TFDP2: variants seen among roughly 807,000 people sequenced by gnomAD.
TFDP2 encodes the protein transcription factor Dp-2.
Under a neutral mutation model 59.3 loss-of-function variants are expected in TFDP2, and 17 were observed. That is an observed-to-expected ratio of 0.29 (90% CI 0.20 to 0.43). TFDP2 has a LOEUF of 0.43. Ranked by LOEUF, TFDP2 falls within the 20% of genes least tolerant of loss-of-function variation. The pLI, the probability that TFDP2 is intolerant of heterozygous loss-of-function variation, is 1.00. For missense variants in TFDP2, 391 were observed against 528.8 expected, an observed-to-expected ratio of 0.74 and a Z score of 2.56; for synonymous variants, 180 against 194.7, an observed-to-expected ratio of 0.92 and a Z score of 0.63.
At chr3:142,077,105 A>G (rs913435679) in intron 3 of TFDP2, among the ~76,000 whole-genome samples, 4 of 152,116 alleles carry the variant, frequency 2.6e-5, no homozygotes, top group Admixed American at 2.6e-4. Flanking sequence ...ACTGGGCAGA[A>G]CTCAGCTGAT....
intron 3 of TFDP2, among the ~76,000 whole-genome samples, chr3:142,065,509 G>T (rs867773603): frequency 6.1e-5 from 9 of 148,350 alleles, no homozygotes; most frequent in East Asian, 6.0e-4. Flanking sequence ...TGTGTGTGTG[G>T]GTGTGTGTGT....
At chr3:141,997,713 G>C (rs375147662) in intron 4 of TFDP2, among the ~76,000 whole-genome samples, 94 of 151,980 alleles carry the variant, frequency 6.2e-4, no homozygotes, top group African/African-American at 2.2e-3. Context: ...AGCTGGGCGT[G>C]GGGGTGGGCA....
intron 3 of TFDP2, among the ~76,000 whole-genome samples, chr3:142,060,534 T>C (rs1387231294): frequency 6.6e-6 from 1 of 152,200 alleles, no homozygotes; most frequent in African/African-American, 2.4e-5. Context: ...TAGCCTGCCA[T>C]TACAATATGA....
At position 141,970,063 on chromosome 3, in the gene TFDP2, G is replaced by T. The variant is rs1410155353; in HGVS notation, c.732+10C>A. The stretch of plus-strand genomic sequence containing the variant: ...CAGGGAAGGTAATGAAAACATCTCG[G>T]TATCTTTACCTGTAGGAGAAGTTCT... On this transcript the variant is annotated intron_variant, in intron 9 of 12. Coordinates refer to ENST00000489671, the MANE Select transcript of TFDP2 (RefSeq NM_001178139.2). 4.3e-6 allele frequency: 7 copies of T among 1,612,482 alleles called. No homozygotes were observed. Among genetic ancestry groups the T allele is most frequent in the Non-Finnish European group, 5.1e-6 (6 of 1,178,440 alleles).
At chr3:142,129,775 C>CA (rs1182095878) in intron 1 of TFDP2, among the ~76,000 whole-genome samples, 4 of 151,336 alleles carry the variant, frequency 2.6e-5, no homozygotes, top group East Asian at 1.9e-4. Flanking sequence ...CCATCTTTTA[C>CA]AAAAAAATTA....
intron 11 of TFDP2, among the ~76,000 whole-genome samples, chr3:141,956,467 G>A (rs1006291076): frequency 4.6e-5 from 7 of 151,938 alleles, no homozygotes; most frequent in Non-Finnish European, 7.4e-5. Flanking sequence ...CAGGAGAATC[G>A]CCTGAACCCG....
intron 1 of TFDP2, among the ~76,000 whole-genome samples, chr3:142,143,157 A>G (rs1427257631): frequency 6.6e-6 from 1 of 152,072 alleles, no homozygotes; most frequent in Non-Finnish European, 1.5e-5. Context: ...AACTGCTTGA[A>G]CCTGGGAGGC....
At chr3:142,088,751 T>C (rs963905672) in intron 3 of TFDP2, among the ~76,000 whole-genome samples, 1 of 151,590 alleles carries the variant, frequency 6.6e-6, no homozygotes, top group African/African-American at 2.4e-5. Context: ...GCTGGGATCA[T>C]AGGCATGAGC....
At chr3:142,021,092 T>C (rs913992877) in intron 3 of TFDP2, among the ~76,000 whole-genome samples, 1 of 152,232 alleles carries the variant, frequency 6.6e-6, no homozygotes, top group Non-Finnish European at 1.5e-5. Flanking sequence ...TACTGAACCA[T>C]GTTCGCCAAA....
rs1413692660 is a variant in TFDP2, at chr3:141,950,582, T to C, written c.*1931A>G. ...CTGTCTTAAATCCTGAAATGCATCTTGGGACCTGCAGTTCAATATTTTGAA... is the reference window on the plus strand; with the variant it reads ...CTGTCTTAAATCCTGAAATGCATCTCGGGACCTGCAGTTCAATATTTTGAA... On this transcript the variant is annotated 3_prime_UTR_variant, in exon 13 of 13. Coordinates refer to ENST00000489671, the MANE Select transcript of TFDP2 (RefSeq NM_001178139.2). 8 of 152,652 alleles carry C rather than the reference T, an allele frequency of 5.2e-5. No homozygotes were observed. Among genetic ancestry groups the C allele is most frequent in the African/African-American group, 1.9e-4 (8 of 41,460 alleles). The allele number at this position is 152,652 out of a possible 1,614,324, so 9.5% of individuals were successfully genotyped here. A position where few individuals can be genotyped will look rare whatever the true frequency, so the allele number is the denominator to read the frequency against.
At chr3:141,956,943 C>CT (rs545636049) in intron 11 of TFDP2, among the ~76,000 whole-genome samples, 4,940 of 150,710 alleles carry the variant, frequency 0.033, 136 homozygotes, top group South Asian at 0.053. Context: ...CTGCCCCACC[C>CT]CCCCCACAAA....
chr3:142,114,495 A>T (rs2108679603), intron 1 of TFDP2, among the ~76,000 whole-genome samples: 1 of 152,178 alleles, frequency 6.6e-6, no homozygotes, highest in South Asian at 2.1e-4. Flanking sequence ...CATCCACTTT[A>T]TTTTTTTCAT....
intron 3 of TFDP2, among the ~76,000 whole-genome samples, chr3:142,058,695 G>A (rs1344864795): frequency 6.6e-6 from 1 of 152,142 alleles, no homozygotes; most frequent in Non-Finnish European, 1.5e-5. Flanking sequence ...GGGCAATGGG[G>A]CAGGGGTAGG....
chr3:141,985,852 C>A (rs1003411714), intron 6 of TFDP2, among the ~76,000 whole-genome samples: 3 of 152,082 alleles, frequency 2.0e-5, no homozygotes, highest in African/African-American at 7.2e-5. Context: ...AAAAACTCTG[C>A]AAATCATGTA....
rs760256002 is a variant in TFDP2, at chr3:141,978,698, GT to G, written c.357-17del. 3 of 1,582,284 alleles carry G rather than the reference GT, an allele frequency of 1.9e-6. No individual in the cohort carries two copies. The highest frequency in any genetic ancestry group is 1.4e-5 in the African/African-American group (1 of 73,326). ...GCTTCGTTTACTAGAAGGGAAAAAA[GT>G]TTTTTTTACTCCATTATACATATTA... is the stretch of plus-strand genomic sequence containing the variant. On this transcript the variant is annotated splice_polypyrimidine_tract_variant and intron_variant, in intron 6 of 12. Coordinates refer to ENST00000489671, the MANE Select transcript of TFDP2 (RefSeq NM_001178139.2).
At chr3:142,119,505 A>C (rs142984978) in intron 1 of TFDP2, among the ~76,000 whole-genome samples, 1 of 152,236 alleles carries the variant, frequency 6.6e-6, no homozygotes, top group African/African-American at 2.4e-5. Flanking sequence ...ATCAAAAAAC[A>C]GTTTGACTGC....
At chr3:141,980,686 C>T (rs1478929232) in intron 6 of TFDP2, among the ~76,000 whole-genome samples, 1 of 152,026 alleles carries the variant, frequency 6.6e-6, no homozygotes, top group Non-Finnish European at 1.5e-5. Flanking sequence ...CAGGCGCCTA[C>T]CCCCATGACT....
At chr3:142,119,136 G>A (rs772395145) in intron 1 of TFDP2, among the ~76,000 whole-genome samples, 7 of 152,074 alleles carry the variant, frequency 4.6e-5, no homozygotes, top group Non-Finnish European at 8.8e-5. Flanking sequence ...ACTCCAGACT[G>A]GGTGAAAGAG....
chr3:142,114,421 G>A (rs1327482021), intron 1 of TFDP2, among the ~76,000 whole-genome samples: 3 of 152,030 alleles, frequency 2.0e-5, no homozygotes, highest in African/African-American at 7.2e-5. Flanking sequence ...GTATTAAATA[G>A]TTTTAGATGA....
Sources: gnomAD v4.1 joint callset for allele counts (sites outside exome capture counted in the v4.1 genomes callset) on GRCh38, gnomAD v4.1.1 for gene constraint, MANE v1.5 for transcripts, NCBI Gene and HGNC (gene_info 2026-07-23, HGNC 2026-07-21) for gene names.